The following ATP2A3 variants were observed in gnomAD, a reference collection of about 807,000 sequenced individuals.
The protein encoded by ATP2A3 is sarcoplasmic/endoplasmic reticulum calcium ATPase 3.
A neutral mutation model predicts 106.8 loss-of-function variants in ATP2A3; 61 were observed. The observed-to-expected ratio is 0.57, with a 90% CI of 0.46 to 0.71. The LOEUF is 0.71. ATP2A3 is among the 30% of genes least tolerant of loss of function. ATP2A3 has a pLI of 0.00. For missense variants in ATP2A3, 1,201 were observed against 1,423.5 expected, an observed-to-expected ratio of 0.84 and a Z score of 2.52; for synonymous variants, 611 against 609.3, an observed-to-expected ratio of 1.00 and a Z score of -0.04.
intron 8 of ATP2A3, among the ~76,000 whole-genome samples, chr17:3,946,416 T>C (rs551072568): frequency 1.3e-5 from 2 of 151,928 alleles, no homozygotes; most frequent in South Asian, 4.2e-4. Flanking sequence ...CTGGGTGTGG[T>C]GGTGCATGCC....
intron 1 of ATP2A3, among the ~76,000 whole-genome samples, chr17:3,960,693 T>C (rs2055088565): frequency 2.6e-5 from 4 of 152,198 alleles, no homozygotes; most frequent in Admixed American, 2.6e-4. Flanking sequence ...GAGAGGACTC[T>C]TCCACCTGAC....
At chr17:3,952,519 C>T (rs2090405) in intron 3 of ATP2A3, among the ~76,000 whole-genome samples, 27,540 of 152,152 alleles carry the variant, frequency 0.18, 2,746 homozygotes, top group Middle Eastern at 0.23. Context: ...CTGGGATCCA[C>T]GGAAGGGGCT....
At chr17:3,931,362 A>G (rs2053072408) in intron 17 of ATP2A3, among the ~76,000 whole-genome samples, 1 of 152,060 alleles carries the variant, frequency 6.6e-6, no homozygotes, top group South Asian at 2.1e-4. Flanking sequence ...TGTTCACAGA[A>G]TCGTGCTAAG....
At position 3,941,286 on chromosome 17, in the gene ATP2A3, G is replaced by A. The variant is rs2053756686; in HGVS notation, c.1785C>T (p.Gly595=). ...VQYETDLTFV[G]CVGMLDPPRP... is the part of the protein sequence containing the mutation. ...GCGGCGGGTCCAGCATGCCTACGCA[G>A]CCCACGAAGGTCAGGTCCGTCTGTA... The change falls in exon 14 of 21, where the codon GGC becomes GGT. Residue 595 remains glycine (G), a synonymous_variant. Transcript: ENST00000397041. 6.2e-7 allele frequency: 1 copy of A among 1,613,646 alleles called. No individual in the cohort carries two copies. Among genetic ancestry groups the A allele is most frequent in the East Asian group, 2.2e-5 (1 of 44,878 alleles).
intron 1 of ATP2A3, among the ~76,000 whole-genome samples, chr17:3,958,733 C>CACAT (rs2054932668): frequency 1.3e-5 from 1 of 76,472 alleles, no homozygotes; most frequent in South Asian, 3.3e-4. Context: ...TATATATACA[C>CACAT]ATATATATAG....
chr17:3,943,439 G>A lies in ATP2A3; in HGVS notation c.1371C>T (p.Thr457=), dbSNP rs150705413. ...CLVEKMNVFD[T]DLQALSRVER... is the part of the protein sequence containing the mutation. ...CCACCCGGGACAGAGCCTGCAGGTCGGTGTCGAACACGTTCATCTTCTCCA... is the reference window on the plus strand; with the variant it reads ...CCACCCGGGACAGAGCCTGCAGGTCAGTGTCGAACACGTTCATCTTCTCCA... The change falls in exon 11 of 21, where the codon ACC becomes ACT. Residue 457 remains threonine, a synonymous_variant. Transcript: ENST00000397041. 301 of 1,614,030 alleles carry A rather than the reference G, an allele frequency of 1.9e-4. 4 individuals are homozygous for A. In the South Asian group the frequency reaches 2.1e-3, roughly 11 times the overall value.
In ATP2A3 at chr17:3,951,294, G is replaced by C; in HGVS notation, c.420C>G (p.Ile140Met). 6.2e-7 allele frequency: 1 copy of C among 1,613,860 alleles called. No homozygotes were observed. Among genetic ancestry groups the C allele is most frequent in the Non-Finnish European group, 8.5e-7 (1 of 1,179,998 alleles). The change falls in exon 5 of 21, where the codon ATC (isoleucine) becomes ATG (methionine). Residue 140 changes from isoleucine to methionine, a missense_variant. By Grantham distance (10) the Ile-to-Met change is conservative (BLOSUM62 1). Coordinates refer to ENST00000397041, the MANE Select transcript of ATP2A3 (RefSeq NM_005173.4). ...CCCCTGGGACGATGTCCCGGGCACG[G>C]ATCCTCTGCACGCCCTTGCGGTCCG... ...IRSDRKGVQR[I>M]RARDIVPGDI...
rs542242514 is a variant in ATP2A3, at chr17:3,924,841, C to T, written c.*581G>A. 5.3e-5 allele frequency: 24 copies of T among 456,818 alleles called. No individual in the cohort carries two copies. Among genetic ancestry groups the T allele is most frequent in the African/African-American group, 4.2e-4 (21 of 50,204 alleles). The allele number at this position is 456,818 out of a possible 1,614,324, so 28.3% of individuals were successfully genotyped here. A position where few individuals can be genotyped will look rare whatever the true frequency, so the allele number is the denominator to read the frequency against. On this transcript the variant is annotated 3_prime_UTR_variant, in exon 21 of 21. Coordinates refer to ENST00000397041, the MANE Select transcript of ATP2A3 (RefSeq NM_005173.4). The surrounding 1 kb of genome is among the most constrained non-coding windows in gnomAD (Gnocchi z 6.4). ...AGAAGCAGCCTCGAGCTCTCGGGAGCCGACTTTGTGGAAGCAGAGTGGAGT... is the reference window on the plus strand; with the variant it reads ...AGAAGCAGCCTCGAGCTCTCGGGAGTCGACTTTGTGGAAGCAGAGTGGAGT...
In ATP2A3 at chr17:3,941,154, A is replaced by C. The variant is rs2053745462; in HGVS notation, c.1917T>G (p.Leu639=). The stretch of plus-strand genomic sequence containing the variant: ...CGTCTTCCGTGTCCCCAAAGATGCC[A>C]AGCCTGCGGCAGATGGCCACGGCAG... The part of the protein sequence containing the change: ...KGTAVAICRR[L]GIFGDTEDVA... The change falls in exon 14 of 21, where the codon CTT becomes CTG. Residue 639 remains leucine (L), a synonymous_variant. Coordinates refer to ENST00000397041, the MANE Select transcript of ATP2A3 (RefSeq NM_005173.4). 1.9e-6 allele frequency: 3 copies of C among 1,614,126 alleles called. No homozygotes were observed. Among genetic ancestry groups the C allele is most frequent in the Non-Finnish European group, 2.5e-6 (3 of 1,179,998 alleles).
Position 3,929,573 on chromosome 17 carries a change from G to A in ATP2A3, c.2745-128C>T. 1 of 791,482 alleles carries A rather than the reference G, an allele frequency of 1.3e-6. No homozygotes were observed. Among genetic ancestry groups the A allele is most frequent in the Non-Finnish European group, 2.0e-6 (1 of 491,128 alleles). The allele number at this position is 791,482 out of a possible 1,614,324, so 49.0% of individuals were successfully genotyped here. The stretch of plus-strand genomic sequence containing the variant: ...GCTGTTGCCCGCTCGGCCTGCCAGG[G>A]CCTGTCCCGGGCTGGGACCCCTTTC... On this transcript the variant is annotated intron_variant, in intron 18 of 20. Transcript: ENST00000397041. This position sits in a 1 kb window ranked among gnomAD's most constrained non-coding sequence, Gnocchi z 4.3.
chr17:3,950,083 A>AC (rs1417331258), intron 7 of ATP2A3, among the ~76,000 whole-genome samples: 1 of 150,662 alleles, frequency 6.6e-6, no homozygotes, highest in Non-Finnish European at 1.5e-5. Context: ...AGTAGCTTGA[A>AC]CCTGGGGGGC....
chr17:3,936,001 T>C lies in ATP2A3; in HGVS notation c.2524+266A>G, dbSNP rs886476814. Among the ~76,000 whole-genome samples, 1 of 152,176 alleles carries C rather than the reference T, an allele frequency of 6.6e-6. No individual in the cohort carries two copies. Among genetic ancestry groups the C allele is most frequent in the Non-Finnish European group, 1.5e-5 (1 of 68,038 alleles). On this transcript the variant is annotated intron_variant, in intron 16 of 20. Transcript: ENST00000397041. The surrounding 1 kb of genome is among the most constrained non-coding windows in gnomAD (Gnocchi z 5.4). ...CTCTCTTCTGCTGAATTTGGGGTTG[T>C]AATGGAGTGAGCAGAGGGCTGGGGC...
At chr17:3,934,999 T>TG in intron 17 of ATP2A3, 193 bp downstream of exon 17, 1 of 626,976 alleles carries the variant, frequency 1.6e-6, no homozygotes, top group Non-Finnish European at 2.8e-6. Context: ...GCCTTTGGCT[T>TG]GGGGGTCCGT....
Position 3,925,999 on chromosome 17 carries a change from G to T in ATP2A3, c.2981-558C>A, listed in dbSNP as rs915344296. On this transcript the variant is annotated intron_variant, in intron 20 of 20. Transcript: ENST00000397041. The surrounding 1 kb of genome is among the most constrained non-coding windows in gnomAD (Gnocchi z 4.2). Reference sequence around the variant, plus strand: ...TGTCCTCAGAGTAAAGTCTAAGCCCGCCTGTAACCTCCCAGATCTGTCCCC... The same window carrying T: ...TGTCCTCAGAGTAAAGTCTAAGCCCTCCTGTAACCTCCCAGATCTGTCCCC... Among the ~76,000 whole-genome samples the T allele has an allele frequency of 4.0e-5, 6 of 151,402 alleles. No individual in the cohort carries two copies. Among genetic ancestry groups the T allele is most frequent in the Admixed American group, 2.0e-4 (3 of 15,196 alleles).
At chr17:3,957,137 G>T (rs2054829286) in intron 1 of ATP2A3, among the ~76,000 whole-genome samples, 5 of 152,258 alleles carry the variant, frequency 3.3e-5, no homozygotes, top group African/African-American at 1.2e-4. Flanking sequence ...GCAGCAGCTG[G>T]TGGTGTGCGC....
At position 3,924,769 on chromosome 17, in the gene ATP2A3, G is replaced by T. The variant is rs2052615119; in HGVS notation, c.*653C>A. ...CTCCGCCCTCCTGCCGGCTCCTTGT[G>T]TCCGTCTCTCTGACCCTTCACCCGC... On this transcript the variant is annotated 3_prime_UTR_variant, in exon 21 of 21. Coordinates refer to ENST00000397041, the MANE Select transcript of ATP2A3 (RefSeq NM_005173.4). The surrounding 1 kb of genome is among the most constrained non-coding windows in gnomAD (Gnocchi z 6.4). 1 of 456,526 alleles carries T rather than the reference G, an allele frequency of 2.2e-6. No homozygotes were observed. Among genetic ancestry groups the T allele is most frequent in the Non-Finnish European group, 4.4e-6 (1 of 226,952 alleles). 28.3% of individuals were successfully genotyped at this position (456,526 alleles called of 1,614,324 possible). A position where few individuals can be genotyped will look rare whatever the true frequency, so the allele number is the denominator to read the frequency against.
intron 7 of ATP2A3, among the ~76,000 whole-genome samples, chr17:3,949,960 G>A (rs973823710): frequency 2.6e-4 from 39 of 151,852 alleles, no homozygotes; most frequent in South Asian, 8.3e-4. Context: ...TCAGGAGTTC[G>A]AGACCAGCCT....
intron 14 of ATP2A3, among the ~76,000 whole-genome samples, chr17:3,939,538 C>T (rs1471253932): frequency 6.6e-6 from 1 of 151,952 alleles, no homozygotes; most frequent in Non-Finnish European, 1.5e-5. Flanking sequence ...CTTGTAATCC[C>T]AGCACTTTGG....
rs553041035 is a variant in ATP2A3 at position 3,925,571 on chromosome 17, C to A, written c.2981-130G>T. 22 of 1,190,570 alleles carry A rather than the reference C, an allele frequency of 1.8e-5. No individual in the cohort carries two copies. In the African/African-American group the frequency reaches 3.2e-4, roughly 17 times the overall value. The allele number at this position is 1,190,570 out of a possible 1,614,324, so 73.8% of individuals were successfully genotyped here. On this transcript the variant is annotated intron_variant, in intron 20 of 20. Transcript: ENST00000397041. This position sits in a 1 kb window ranked among gnomAD's most constrained non-coding sequence, Gnocchi z 4.2. The stretch of plus-strand genomic sequence containing the variant: ...CAGGCTCCCAAGGCCTCCCTTAGTC[C>A]AGACCTCAGTCTACCCCAGCCCCAC...
Sources: gnomAD v4.1 joint callset for allele counts (sites outside exome capture counted in the v4.1 genomes callset) on GRCh38, gnomAD v4.1.1 for gene constraint, Gnocchi (gnomAD v3.1) non-coding constraint, MANE v1.5 for transcripts, NCBI Gene and HGNC (gene_info 2026-07-23, HGNC 2026-07-21) for gene names.